The following F5 variants were observed in gnomAD, a reference collection of about 807,000 sequenced individuals.
F5 encodes the protein coagulation factor V.
In F5, 138 loss-of-function variants were observed where a neutral mutation model predicts 216.4. The observed-to-expected ratio is 0.64, with a 90% CI of 0.56 to 0.73. The LOEUF (loss-of-function observed/expected upper bound fraction) is 0.73, where lower values mean the gene tolerates loss of function less well. Ranked by LOEUF, F5 falls within the 30% of genes least tolerant of loss-of-function variation. The pLI, the probability that F5 is intolerant of heterozygous loss-of-function variation, is 0.00. For missense variants in F5, 2,403 were observed against 2,674.0 expected, an observed-to-expected ratio of 0.90 and a Z score of 2.24; for synonymous variants, 916 against 930.7, an observed-to-expected ratio of 0.98 and a Z score of 0.29.
At chr1:169,568,188 A>G (rs1660652301) in intron 3 of F5, among the ~76,000 whole-genome samples, 1 of 152,116 alleles carries the variant, frequency 6.6e-6, no homozygotes, top group African/African-American at 2.4e-5. Flanking sequence ...TGTCAGTTAC[A>G]TATAAGATGA....
At chr1:169,519,441 G>A (rs538493410) in intron 22 of F5, among the ~76,000 whole-genome samples, 7 of 152,098 alleles carry the variant, frequency 4.6e-5, no homozygotes, top group African/African-American at 1.2e-4. Flanking sequence ...AGAAAAAAAC[G>A]CAATGACTTA....
At chr1:169,553,703 C>T (rs1660235810) in intron 7 of F5, among the ~76,000 whole-genome samples, 1 of 152,204 alleles carries the variant, frequency 6.6e-6, no homozygotes, top group African/African-American at 2.4e-5. Context: ...GCCTGGGCGA[C>T]AGAGCGAGAC....
rs1252991863 is a variant in F5 at position 169,540,974 on chromosome 1, C to T, written c.4116G>A (p.Gln1372=). 9 of 1,595,614 alleles carry T rather than the reference C, an allele frequency of 5.6e-6. No individual in the cohort carries two copies. In the South Asian group the frequency reaches 1.0e-4, roughly 18 times the overall value. ...GACTGAGTTCTGGAGAGAGGTTTGT[C>T]TGGCTGAGGTCTAGAGAAAGGGTTG... The part of the protein sequence containing the change: ...SHTTLSLDLS[Q]TNLSPELSQT... Residue 1372 remains glutamine, a synonymous_variant, in exon 13 of 25, where the codon CAG becomes CAA. Coordinates refer to ENST00000367797, the MANE Select transcript of F5 (RefSeq NM_000130.5).
chr1:169,578,537 C>T (rs1452993809), intron 2 of F5, among the ~76,000 whole-genome samples: 1 of 152,214 alleles, frequency 6.6e-6, no homozygotes, highest in Non-Finnish European at 1.5e-5. Flanking sequence ...ATTTGCTTAG[C>T]TTGGCAAAAG....
intron 2 of F5, among the ~76,000 whole-genome samples, chr1:169,577,094 T>C (rs1660868592): frequency 6.6e-6 from 1 of 152,078 alleles, no homozygotes; most frequent in African/African-American, 2.4e-5. Flanking sequence ...CTAAAACCCT[T>C]CTAACCCTCT....
Position 169,523,298 on chromosome 1 carries a change from G to A in F5, c.5947C>T (p.His1983Tyr). 6.2e-7 allele frequency: 1 copy of A among 1,614,074 alleles called. No individual in the cohort carries two copies. Among genetic ancestry groups the A allele is most frequent in the Non-Finnish European group, 8.5e-7 (1 of 1,179,980 alleles). The change falls in exon 21 of 25, where the codon CAC (histidine) becomes TAC (tyrosine). Residue 1983 changes from histidine (H) to tyrosine (Y), a missense_variant. Physicochemically the swap from His to Tyr is moderately conservative, Grantham distance 83. This residue lies in a region of F5 where 659 missense variants were observed against 787.9 expected (regional missense o/e 0.84). Transcript: ENST00000367797. The part of the protein sequence containing the change: ...ITGIQTQGAK[H>Y]YLKSCYTTEF... ...GTGGTATAGCAGGACTTCAGGTAGT[G>A]TTTGGCACCTTGGGTCTGGATCCCT...
chr1:169,579,051 C>A (rs929531466), intron 2 of F5, among the ~76,000 whole-genome samples: 13 of 151,640 alleles, frequency 8.6e-5, no homozygotes, highest in African/African-American at 2.7e-4. Context: ...CCACCCCCAC[C>A]CCCGAAACTA....
chr1:169,578,894 C>A (rs990476183), intron 2 of F5, among the ~76,000 whole-genome samples: 3 of 152,182 alleles, frequency 2.0e-5, no homozygotes, highest in African/African-American at 7.2e-5. Flanking sequence ...TTCTAAGTCT[C>A]CATTAATCAT....
At chr1:169,565,796 T>C (rs984830306) in intron 3 of F5, among the ~76,000 whole-genome samples, 1 of 152,076 alleles carries the variant, frequency 6.6e-6, no homozygotes, top group African/African-American at 2.4e-5. Context: ...TTTGTGAACT[T>C]TGCGCTAGCA....
intron 5 of F5, among the ~76,000 whole-genome samples, chr1:169,557,620 T>A (rs549358422): frequency 1.7e-4 from 26 of 152,114 alleles, no homozygotes; most frequent in Admixed American, 1.7e-3. Context: ...ACTGGGAAAA[T>A]GCTCATTTGC....
intron 22 of F5, 98 bp from the exon 23 acceptor site, chr1:169,518,661 A>C: frequency 7.6e-7 from 1 of 1,311,716 alleles, no homozygotes; most frequent in Non-Finnish European, 1.1e-6. Context: ...ACTACCAACA[A>C]ATGACAAAAA....
chr1:169,566,650 G>A (rs1007103926), intron 3 of F5, among the ~76,000 whole-genome samples: 5 of 151,878 alleles, frequency 3.3e-5, no homozygotes, highest in African/African-American at 9.7e-5. Flanking sequence ...CTAACTGTGG[G>A]AACTTGGGAA....
rs569751635 is a variant in F5, at chr1:169,529,189, G to C, written c.5419+419C>G. On this transcript the variant is annotated intron_variant, in intron 16 of 24. Coordinates refer to ENST00000367797, the MANE Select transcript of F5 (RefSeq NM_000130.5). ...CTGGTAGCTGCTGAGAGCTAAAACT[G>C]TTAGCGTCATTCTTATTTTAGAAAA... 3.3e-5 allele frequency among the ~76,000 whole-genome samples: 5 copies of C among 152,264 alleles called. No individual in the cohort carries two copies. The South Asian group carries it at 1.0e-3, about 32-fold the overall frequency.
At chr1:169,552,452 A>T in intron 8 of F5, 105 bp downstream of exon 8, 1 of 974,338 alleles carries the variant, frequency 1.0e-6, no homozygotes, top group Non-Finnish European at 1.5e-6. Context: ...ATTTGAATTT[A>T]AAATTATATG....
chr1:169,528,687 C>T (rs1396156440), intron 16 of F5, among the ~76,000 whole-genome samples: 3 of 152,170 alleles, frequency 2.0e-5, no homozygotes, highest in African/African-American at 7.2e-5. Flanking sequence ...CAGGCTTTAT[C>T]TACTCTCCCC....
rs545241903 is a variant in F5 at position 169,513,595 on chromosome 1, A to G, written c.*718T>C. On this transcript the variant is annotated 3_prime_UTR_variant, in exon 25 of 25. Transcript: ENST00000367797. ...TCTGAGCTTTCCAGTAGGTGAAATT[A>G]TGTTTTGAAACTGTGTGCCATGTAG... Among the ~76,000 whole-genome samples, 9 of 152,254 alleles carry G rather than the reference A, an allele frequency of 5.9e-5. No homozygotes were observed. Among genetic ancestry groups the G allele is most frequent in the Non-Finnish European group, 1.3e-4 (9 of 68,008 alleles).
At chr1:169,572,978 C>T (rs1660760854) in intron 2 of F5, among the ~76,000 whole-genome samples, 1 of 150,934 alleles carries the variant, frequency 6.6e-6, no homozygotes, top group Non-Finnish European at 1.5e-5. Flanking sequence ...TGGAGTCTCG[C>T]TCTGTCTCCT....
In F5 at chr1:169,528,063, G is replaced by T; in HGVS notation, c.5451C>A (p.Gly1817=). The T allele has an allele frequency of 6.2e-7, 1 of 1,613,882 alleles. No homozygotes were observed. The highest frequency in any genetic ancestry group is 8.5e-7 in the Non-Finnish European group (1 of 1,179,826). The part of the protein sequence containing the change: ...AINGMIYSLP[G]LKMYEQEWVR... Reference sequence around the variant, plus strand: ...CCCACTCTTGCTCATACATTTTCAGGCCAGGCAAGCTGTAGATCATCCCAT... The same window carrying T: ...CCCACTCTTGCTCATACATTTTCAGTCCAGGCAAGCTGTAGATCATCCCAT... Residue 1817 remains glycine (G), a synonymous_variant, in exon 17 of 25, where the codon GGC becomes GGA. Transcript: ENST00000367797.
Position 169,582,311 on chromosome 1 carries a change from T to TAA in F5, c.250+118_250+119dup, listed in dbSNP as rs56901113. On this transcript the variant is annotated intron_variant, in intron 2 of 24. Transcript: ENST00000367797. ...CACATATTATGTAGCCAGTACTTCT[T>TAA]AAAAAAAAAACCACACGTTTCTATA... The TAA allele has an allele frequency of 0.084, 43,471 of 520,094 alleles. 865 individuals are homozygous for TAA. The highest frequency in any genetic ancestry group is 0.13 in the African/African-American group (6,597 of 50,714). 32.2% of individuals were successfully genotyped at this position (520,094 alleles called of 1,614,324 possible). A position where few individuals can be genotyped will look rare whatever the true frequency, so the allele number is the denominator to read the frequency against.
Sources: allele counts gnomAD v4.1 joint callset (sites outside exome capture counted in the v4.1 genomes callset), GRCh38; gene constraint gnomAD v4.1.1; regional missense constraint gnomAD v4.1.1; transcripts MANE v1.5; gene names NCBI Gene and HGNC (gene_info 2026-07-23, HGNC 2026-07-21).